PSD2: variants seen among roughly 807,000 people sequenced by gnomAD.
The protein encoded by PSD2 is pleckstrin and Sec7 domain containing 2, also known as PH and SEC7 domain-containing protein 2.
Under a neutral mutation model 69.8 loss-of-function variants are expected in PSD2, and 38 were observed. The ratio of observed to expected loss-of-function variants is 0.54; its 90% confidence interval spans 0.42 to 0.71. The LOEUF is 0.71. Among genes scored for constraint, PSD2 ranks in the 30% least tolerant of loss-of-function variants. The probability of loss-of-function intolerance (pLI) is 0.00; values close to 1 mark genes in which losing one functional copy is unlikely to be tolerated. For missense variants in PSD2, 943 were observed against 1,014.5 expected (o/e 0.93, Z 0.96); for synonymous variants, 412 against 423.0 (o/e 0.97, Z 0.32).
At chr5:139,796,738 A>T (rs1759540621) in intron 1 of PSD2, among the ~76,000 whole-genome samples, 1 of 152,154 alleles carries the variant, frequency 6.6e-6, no homozygotes, top group African/African-American at 2.4e-5. Context: ...CACTGGGGGC[A>T]TTGTTTTTGC....
chr5:139,836,241 G>A (rs1298947659), intron 9 of PSD2, among the ~76,000 whole-genome samples: 1 of 152,236 alleles, frequency 6.6e-6, no homozygotes, highest in South Asian at 2.1e-4. Flanking sequence ...GGAAAGAGGG[G>A]TGTTGACCTT....
intron 7 of PSD2, among the ~76,000 whole-genome samples, chr5:139,828,493 G>A (rs1217448054): frequency 6.6e-6 from 1 of 152,180 alleles, no homozygotes; most frequent in Non-Finnish European, 1.5e-5. Flanking sequence ...GGTCTGCAGA[G>A]GTCTGCCCAT....
At chr5:139,798,946 C>G (rs890653501) in intron 1 of PSD2, among the ~76,000 whole-genome samples, 3 of 152,010 alleles carry the variant, frequency 2.0e-5, no homozygotes, top group African/African-American at 7.3e-5. Context: ...GTGTTTCAAT[C>G]TGGATGAATC....
At chr5:139,793,823 CT>C (rs1759461531), upstream of PSD2, among the ~76,000 whole-genome samples, 1 of 152,212 alleles carries the variant, frequency 6.6e-6, no homozygotes, top group Non-Finnish European at 1.5e-5. Flanking sequence ...CACATCAGCT[CT>C]TTCGGTCCCC....
chr5:139,834,665 G>A (rs1249994998), intron 8 of PSD2, among the ~76,000 whole-genome samples: 4 of 152,064 alleles, frequency 2.6e-5, no homozygotes, highest in African/African-American at 9.7e-5. Context: ...TGAATAATGA[G>A]TTCGGAGGTC....
Position 139,833,797 on chromosome 5 carries a change from G to A in PSD2, c.1359+6G>A, listed in dbSNP as rs1484226319. On this transcript the variant is annotated splice_donor_region_variant and intron_variant, in intron 8 of 14. Coordinates refer to ENST00000274710, the MANE Select transcript of PSD2 (RefSeq NM_032289.4). Reference sequence around the variant, plus strand: ...TTGCCAAAGACCTGCTGAAGGTACTGTCTGCTGAGTGTCCCCATCCCACTA... The same window carrying A: ...TTGCCAAAGACCTGCTGAAGGTACTATCTGCTGAGTGTCCCCATCCCACTA... 7 of 1,603,100 alleles carry A rather than the reference G, an allele frequency of 4.4e-6. No homozygotes were observed. The highest frequency in any genetic ancestry group is 2.2e-5 in the South Asian group (2 of 90,854).
upstream of PSD2, among the ~76,000 whole-genome samples, chr5:139,791,049 C>T (rs1360574195): frequency 6.6e-6 from 1 of 150,902 alleles, no homozygotes; most frequent in Middle Eastern, 3.2e-3. Context: ...GAAACTTCAT[C>T]TCAAAAAAAT....
chr5:139,789,569 A>G, the PSD2 span, among the ~76,000 whole-genome samples: 1 of 152,210 alleles, frequency 6.6e-6, no homozygotes, highest in African/African-American at 2.4e-5. Context: ...TCCTGTCTCT[A>G]AAAGAAAAAC....
At chr5:139,818,783 C>T (rs1005309877) in intron 5 of PSD2, among the ~76,000 whole-genome samples, 16 of 152,222 alleles carry the variant, frequency 1.1e-4, no homozygotes, top group Admixed American at 1.3e-4. Flanking sequence ...ACATGCTTAG[C>T]GTTCCAATAA....
At chr5:139,823,523 A>G (rs2126951400) in intron 7 of PSD2, among the ~76,000 whole-genome samples, 1 of 152,290 alleles carries the variant, frequency 6.6e-6, no homozygotes, top group Admixed American at 6.5e-5. Flanking sequence ...AATCCAGGGC[A>G]TATGGGGGTG....
In PSD2 at chr5:139,824,818, T is replaced by A. The variant is rs183632088; in HGVS notation, c.1269+2034T>A. On this transcript the variant is annotated intron_variant, in intron 7 of 14. Coordinates refer to ENST00000274710, the MANE Select transcript of PSD2 (RefSeq NM_032289.4). ...CTTCAGAGCACCTGATGCTTTGCACTTTTCCCCTTGCCTCCTCCCCTCCCA... is the reference window on the plus strand; with the variant it reads ...CTTCAGAGCACCTGATGCTTTGCACATTTCCCCTTGCCTCCTCCCCTCCCA... 4.5e-4 allele frequency among the ~76,000 whole-genome samples: 69 copies of A among 152,256 alleles called. No homozygotes were observed. The East Asian group carries it at 0.013, about 29-fold the overall frequency.
At chr5:139,822,609 T>G in intron 6 of PSD2, 117 bp from the exon 7 acceptor site, 2 of 804,244 alleles carry the variant, frequency 2.5e-6, no homozygotes, top group South Asian at 2.0e-5. Flanking sequence ...CTGAGGTGAG[T>G]TTGGCAGGCG....
the PSD2 span, among the ~76,000 whole-genome samples, chr5:139,759,813 C>T: frequency 2.0e-5 from 3 of 152,234 alleles, no homozygotes; most frequent in African/African-American, 4.8e-5. Context: ...AGAGGATGGC[C>T]GCCTGGGCAC....
chr5:139,753,258 G>A, the PSD2 span, among the ~76,000 whole-genome samples: 3 of 152,190 alleles, frequency 2.0e-5, no homozygotes, highest in African/African-American at 7.2e-5. Flanking sequence ...CCAGTGAGCT[G>A]GGGCTGCAGG....
the PSD2 span, among the ~76,000 whole-genome samples, chr5:139,764,070 A>G: frequency 6.6e-6 from 1 of 152,320 alleles, no homozygotes; most frequent in African/African-American, 2.4e-5. Context: ...AGGAGTTCTC[A>G]CAGTGCTTCC....
the PSD2 span, among the ~76,000 whole-genome samples, chr5:139,750,621 C>G: frequency 6.6e-6 from 1 of 152,208 alleles, no homozygotes; most frequent in Non-Finnish European, 1.5e-5. Context: ...AGGTTTCCTC[C>G]TGGAGGTTGC....
In PSD2 at chr5:139,814,304, G is replaced by T; in HGVS notation, c.956G>T (p.Arg319Leu). Residue 319 changes from arginine to leucine, a missense_variant, in exon 4 of 15, where the codon CGC becomes CTC. This residue lies in a region of PSD2 where 466 missense variants were observed against 445.0 expected (regional missense o/e 1.05). Coordinates refer to ENST00000274710, the MANE Select transcript of PSD2 (RefSeq NM_032289.4). This position sits in a 1 kb window ranked among gnomAD's most constrained non-coding sequence, Gnocchi z 4.4. Reference sequence around the variant, plus strand: ...AGTGAAGCTGCTCATCGGCTGGCACGCCGTCTCTACCACCTCGAGGGCTTC... The same window carrying T: ...AGTGAAGCTGCTCATCGGCTGGCACTCCGTCTCTACCACCTCGAGGGCTTC... ...GVSEAAHRLA[R>L]RLYHLEGFQR... The T allele has an allele frequency of 6.2e-7, 1 of 1,613,320 alleles. No homozygotes were observed. Among genetic ancestry groups the T allele is most frequent in the Non-Finnish European group, 8.5e-7 (1 of 1,179,702 alleles).
intron 1 of PSD2, among the ~76,000 whole-genome samples, chr5:139,806,608 G>T (rs925360715): frequency 6.6e-6 from 1 of 152,152 alleles, no homozygotes; most frequent in African/African-American, 2.4e-5. Context: ...CTTTCATGAC[G>T]TTTAGTTTCC....
chr5:139,835,850 C>T, intron 9 of PSD2, 84 bp downstream of exon 9: 1 of 1,332,674 alleles, frequency 7.5e-7, no homozygotes, highest in Non-Finnish European at 1.1e-6. Flanking sequence ...ACATTCTGAC[C>T]ACTCTCCATG....
Sources: allele counts gnomAD v4.1 joint callset (sites outside exome capture counted in the v4.1 genomes callset), GRCh38; gene constraint gnomAD v4.1.1; regional missense constraint gnomAD v4.1.1; non-coding constraint Gnocchi (gnomAD v3.1); transcripts MANE v1.5; gene names NCBI Gene and HGNC (gene_info 2026-07-23, HGNC 2026-07-21).